The following GLIS3 variants were observed in gnomAD, a reference collection of about 807,000 sequenced individuals.
The protein encoded by GLIS3 is zinc finger protein GLIS3.
Under a neutral mutation model 78.6 loss-of-function variants are expected in GLIS3, and 53 were observed. The observed-to-expected ratio is 0.67, with a 90% CI of 0.54 to 0.85. The LOEUF (loss-of-function observed/expected upper bound fraction) is 0.85, where lower values mean the gene tolerates loss of function less well. Among genes scored for constraint, GLIS3 ranks in the 40% least tolerant of loss-of-function variants. The pLI is 0.00. For synonymous variants in GLIS3, 684 were observed against 509.9 expected, an observed-to-expected ratio of 1.34 and a Z score of -4.60; for missense variants, 1,703 against 1,231.1, an observed-to-expected ratio of 1.38 and a Z score of -5.74.
intron 6 of GLIS3, among the ~76,000 whole-genome samples, chr9:3,917,196 C>T (rs1824568867): frequency 6.6e-6 from 1 of 152,218 alleles, no homozygotes; most frequent in Non-Finnish European, 1.5e-5. Flanking sequence ...GTTAACTTAA[C>T]CATAACAATG....
intron 6 of GLIS3, among the ~76,000 whole-genome samples, chr9:3,914,026 G>A (rs955969811): frequency 7.2e-5 from 11 of 152,266 alleles, no homozygotes; most frequent in Middle Eastern, 3.4e-3. Flanking sequence ...AACATCAGGG[G>A]AAGAAAAGAA....
the GLIS3 span, among the ~76,000 whole-genome samples, chr9:4,474,244 T>C: frequency 3.9e-5 from 6 of 151,976 alleles, no homozygotes; most frequent in Non-Finnish European, 8.8e-5. Context: ...GATAGACAAA[T>C]AGATCAGTAA....
intron 7 of GLIS3, among the ~76,000 whole-genome samples, chr9:3,883,324 C>G (rs535895190): frequency 1.4e-4 from 21 of 152,344 alleles, no homozygotes; most frequent in African/African-American, 5.1e-4. Context: ...CCAGCACCTA[C>G]TCTGCACCAG....
intron 2 of GLIS3, among the ~76,000 whole-genome samples, chr9:4,149,377 A>G (rs1161205830): frequency 6.6e-6 from 1 of 152,184 alleles, no homozygotes; most frequent in African/African-American, 2.4e-5. Flanking sequence ...CCAACTCAAA[A>G]AACACACACA....
At chr9:4,173,536 T>C (rs891793175) in intron 2 of GLIS3, among the ~76,000 whole-genome samples, 10 of 150,664 alleles carry the variant, frequency 6.6e-5, no homozygotes, top group African/African-American at 2.5e-4. Flanking sequence ...ACTATATATA[T>C]AATATGTATA....
At chr9:4,074,375 G>T (rs546797644) in intron 4 of GLIS3, among the ~76,000 whole-genome samples, 35 of 152,164 alleles carry the variant, frequency 2.3e-4, no homozygotes, top group African/African-American at 8.2e-4. Flanking sequence ...GCCCTTTGTG[G>T]CTCATATATC....
chr9:3,910,738 T>C (rs1225356719), intron 6 of GLIS3, among the ~76,000 whole-genome samples: 1 of 152,208 alleles, frequency 6.6e-6, no homozygotes, highest in Non-Finnish European at 1.5e-5. Flanking sequence ...CTTTCCTGAG[T>C]AGAGTTTCCT....
intron 4 of GLIS3, among the ~76,000 whole-genome samples, chr9:3,945,422 A>C (rs1588285739): frequency 6.6e-6 from 1 of 152,328 alleles, no homozygotes; most frequent in South Asian, 2.1e-4. Context: ...TGGACCATGA[A>C]CATATTGAGT....
intron 9 of GLIS3, among the ~76,000 whole-genome samples, chr9:3,853,128 C>A (rs970332820): frequency 6.6e-6 from 1 of 152,088 alleles, no homozygotes; most frequent in Admixed American, 6.6e-5. Flanking sequence ...AAGACTGAAC[C>A]CAGGAATTTG....
At chr9:4,442,521 T>A in the GLIS3 span, among the ~76,000 whole-genome samples, 1 of 152,124 alleles carries the variant, frequency 6.6e-6, no homozygotes, top group East Asian at 1.9e-4. Flanking sequence ...AGGGAAACAC[T>A]GCTCTATTTT....
At chr9:4,183,557 C>T (rs142872689) in intron 2 of GLIS3, among the ~76,000 whole-genome samples, 1 of 152,264 alleles carries the variant, frequency 6.6e-6, no homozygotes, top group East Asian at 1.9e-4. Context: ...TCCTTGACTC[C>T]AAGCTGTGTG....
intron 6 of GLIS3, among the ~76,000 whole-genome samples, chr9:3,930,890 A>C (rs115369896): frequency 0.024 from 3,635 of 152,292 alleles, 127 homozygotes; most frequent in African/African-American, 0.079. Context: ...TATATAGATG[A>C]TAACAAAAAT....
At chr9:4,445,695 G>A in the GLIS3 span, among the ~76,000 whole-genome samples, 3 of 152,000 alleles carry the variant, frequency 2.0e-5, no homozygotes, top group African/African-American at 7.3e-5. Flanking sequence ...GAAAACTGAG[G>A]ACAAGAGGGA....
chr9:3,991,824 G>A (rs1007397468), intron 4 of GLIS3, among the ~76,000 whole-genome samples: 1 of 151,760 alleles, frequency 6.6e-6, no homozygotes, highest in Non-Finnish European at 1.5e-5. Flanking sequence ...CCGAGTAGCT[G>A]GGACTACAGG....
At chr9:3,948,919 A>C (rs1816484510) in intron 4 of GLIS3, among the ~76,000 whole-genome samples, 1 of 152,216 alleles carries the variant, frequency 6.6e-6, no homozygotes, top group Non-Finnish European at 1.5e-5. Context: ...ATCAACATCC[A>C]TCCACATGTA....
At chr9:3,989,783 G>T (rs887619498) in intron 4 of GLIS3, among the ~76,000 whole-genome samples, 1 of 152,182 alleles carries the variant, frequency 6.6e-6, no homozygotes, top group Non-Finnish European at 1.5e-5. Context: ...ATAGATATTA[G>T]TGGTGCTGGA....
intron 2 of GLIS3, among the ~76,000 whole-genome samples, chr9:4,195,909 C>T (rs1818795106): frequency 6.6e-6 from 1 of 152,190 alleles, no homozygotes; most frequent in African/African-American, 2.4e-5. Flanking sequence ...ATTGTAAATG[C>T]ACCAATCAGC....
At chr9:4,347,730 T>G (rs1463412952) in intron 1 of GLIS3, among the ~76,000 whole-genome samples, 1 of 152,044 alleles carries the variant, frequency 6.6e-6, no homozygotes, top group African/African-American at 2.4e-5. Flanking sequence ...TTTGGTTTTT[T>G]TGAGGTTTTT....
At chr9:4,185,622 A>G (rs1484348359) in intron 2 of GLIS3, among the ~76,000 whole-genome samples, 1 of 152,208 alleles carries the variant, frequency 6.6e-6, no homozygotes, top group Non-Finnish European at 1.5e-5. Context: ...AGGAAGGTTT[A>G]ATAAGGGGAC....
Sources: gnomAD v4.1 joint callset for allele counts (sites outside exome capture counted in the v4.1 genomes callset) on GRCh38, gnomAD v4.1.1 for gene constraint, MANE v1.5 for transcripts, NCBI Gene and HGNC (gene_info 2026-07-23, HGNC 2026-07-21) for gene names.